LRCH2: variants seen among roughly 807,000 people sequenced by gnomAD.
LRCH2 encodes leucine-rich repeat and calponin homology domain-containing protein 2.
Under a neutral mutation model 68.9 loss-of-function variants are expected in LRCH2, and 38 were observed. That is an observed-to-expected ratio of 0.55 (90% CI 0.43 to 0.72). LRCH2 has a LOEUF of 0.72. LRCH2 is among the 30% of genes least tolerant of loss of function. LRCH2 has a pLI of 0.00. For missense variants in LRCH2, 528 were observed against 572.9 expected (o/e 0.92, Z 0.80); for synonymous variants, 191 against 208.1 (o/e 0.92, Z 0.71).
chrX:115,219,744 G>A (rs181375440), intron 1 of LRCH2, among the ~76,000 whole-genome samples: 413 of 111,990 alleles, frequency 3.7e-3, no homozygotes, highest in Non-Finnish European at 5.0e-3. Context: ...ATGAAAATAG[G>A]AGATAATAAG....
At chrX:115,130,653 A>G (rs782568676) in intron 14 of LRCH2, among the ~76,000 whole-genome samples, 32 of 111,332 alleles carry the variant, frequency 2.9e-4, no homozygotes, top group African/African-American at 1.0e-3. Flanking sequence ...GATGTCATTC[A>G]TTATTAAGAA....
At chrX:115,132,942 G>A (rs1430206079) in intron 14 of LRCH2, among the ~76,000 whole-genome samples, 1 of 111,173 alleles carries the variant, frequency 9.0e-6, no homozygotes, top group Non-Finnish European at 1.9e-5. Context: ...TTGCTCAAAC[G>A]CCTTACTCCA....
intron 1 of LRCH2, among the ~76,000 whole-genome samples, chrX:115,218,217 C>G (rs1213860899): frequency 8.9e-6 from 1 of 111,826 alleles, no homozygotes; most frequent in Non-Finnish European, 1.9e-5. Flanking sequence ...AAAAAAACCC[C>G]TAATATCTGA....
chrX:115,172,119 G>A (rs781925832), intron 5 of LRCH2, among the ~76,000 whole-genome samples: 1 of 111,390 alleles, frequency 9.0e-6, no homozygotes. Context: ...ATTTATTGGA[G>A]TATCACTAAG....
intron 14 of LRCH2, among the ~76,000 whole-genome samples, chrX:115,145,353 A>G (rs1184673286): frequency 9.0e-6 from 1 of 111,561 alleles, no homozygotes; most frequent in East Asian, 2.8e-4. Context: ...CTATAAGAAA[A>G]CATGGGGGAA....
At chrX:115,132,738 C>T (rs977563732) in intron 14 of LRCH2, among the ~76,000 whole-genome samples, 3 of 111,398 alleles carry the variant, frequency 2.7e-5, no homozygotes, top group Non-Finnish European at 5.6e-5. Context: ...GAAATTGGCA[C>T]GTGTGAAAAA....
chrX:115,143,208 C>T (rs2806267), intron 14 of LRCH2, among the ~76,000 whole-genome samples: 36,193 of 110,420 alleles, frequency 0.33, 5,046 homozygotes, highest in African/African-American at 0.54. Flanking sequence ...ATATGGTTTA[C>T]TGAGAAGATA....
chrX:115,178,517 C>T (rs2072667902), intron 5 of LRCH2, among the ~76,000 whole-genome samples: 1 of 111,039 alleles, frequency 9.0e-6, no homozygotes, highest in African/African-American at 3.3e-5. Context: ...AGTACTTAAT[C>T]CCTATATTCA....
At chrX:115,191,038 G>A (rs1230909817) in intron 1 of LRCH2, 19 of 1,163,217 alleles carry the variant, frequency 1.6e-5, no homozygotes, top group African/African-American at 3.7e-5. Flanking sequence ...CCACAGTGGG[G>A]GCCACAGCAG....
chrX:115,189,746 G>A (rs868980271), intron 1 of LRCH2: 2 of 1,166,649 alleles, frequency 1.7e-6, no homozygotes, highest in South Asian at 1.9e-5. Flanking sequence ...CCCGGCAGCG[G>A]CAGTCGCTCA....
At chrX:115,125,027 C>G (rs1339545425) in intron 16 of LRCH2, among the ~76,000 whole-genome samples, 6 of 110,941 alleles carry the variant, frequency 5.4e-5, no homozygotes, top group Non-Finnish European at 9.4e-5. Context: ...TACTCACCAC[C>G]CTATCCAAAT....
chrX:115,154,678 T>G, intron 12 of LRCH2, among the ~76,000 whole-genome samples: 1 of 111,774 alleles, frequency 8.9e-6, no homozygotes, highest in Admixed American at 9.5e-5. Flanking sequence ...TTTGTTCTTT[T>G]TAGAATGGCA....
rs782769438 is a variant in LRCH2, at chrX:115,165,842, T to C, written c.1197A>G (p.Lys399=). 1 of 1,137,607 alleles carries C rather than the reference T, an allele frequency of 8.8e-7. No individual in the cohort carries two copies. The highest frequency in any genetic ancestry group is 3.3e-5 in the East Asian group (1 of 30,607). 93.8% of individuals were successfully genotyped at this position (1,137,607 alleles called of 1,213,427 possible). ...AATAGCAGGTACCATATGAATTACCTTTCTGAGAATCAGTCTTACTTCCTA... is the reference window on the plus strand; with the variant it reads ...AATAGCAGGTACCATATGAATTACCCTTCTGAGAATCAGTCTTACTTCCTA... ...HIIGSKTDSQ[K]DQEVYDFVDP... is the part of the protein sequence containing the mutation. The change falls in exon 8 of 21, where the codon AAA becomes AAG. Residue 399 remains lysine (K), a splice_region_variant and synonymous_variant. Transcript: ENST00000317135.
intron 5 of LRCH2, among the ~76,000 whole-genome samples, chrX:115,174,422 CT>C (rs1253334781): frequency 2.4e-4 from 25 of 104,369 alleles, no homozygotes; most frequent in East Asian, 1.5e-3. Context: ...AGGAGTTCAA[CT>C]TTTTTTTTTT....
chrX:115,199,670 A>C (rs1211978824), intron 1 of LRCH2, among the ~76,000 whole-genome samples: 1 of 112,209 alleles, frequency 8.9e-6, no homozygotes, highest in Non-Finnish European at 1.9e-5. Context: ...CACTAGGCCT[A>C]AAGAGAGAGA....
intron 20 of LRCH2, among the ~76,000 whole-genome samples, chrX:115,115,975 G>A (rs1166957989): frequency 5.4e-5 from 6 of 110,925 alleles, no homozygotes; most frequent in African/African-American, 1.3e-4. Context: ...CTAGGGAAAC[G>A]CAAATCAAAA....
At chrX:115,215,357 G>T (rs190599343) in intron 1 of LRCH2, among the ~76,000 whole-genome samples, 26 of 111,276 alleles carry the variant, frequency 2.3e-4, no homozygotes, top group African/African-American at 7.8e-4. Flanking sequence ...CTGGGCCAAG[G>T]ACATAAACAG....
chrX:115,223,525 C>T (rs782105205), intron 1 of LRCH2, among the ~76,000 whole-genome samples: 9 of 110,351 alleles, frequency 8.2e-5, no homozygotes, highest in Non-Finnish European at 1.5e-4. Flanking sequence ...TCCTAATAGA[C>T]ATTTTGCTTA....
At position 115,170,649 on chromosome X, in the gene LRCH2, A is replaced by C. The variant is rs145309908; in HGVS notation, c.865-217T>G. Among the ~76,000 whole-genome samples the C allele has an allele frequency of 4.7e-3, 522 of 111,921 alleles. 2 individuals carry two copies. The highest frequency in any genetic ancestry group is 0.016 in the African/African-American group (499 of 30,961). Reference sequence around the variant, plus strand: ...TTGCCATCTCTGTTCTTATTGAAAAAAGTTAATTTTTCTATATTTCACTAG... The same window carrying C: ...TTGCCATCTCTGTTCTTATTGAAAACAGTTAATTTTTCTATATTTCACTAG... On this transcript the variant is annotated intron_variant, in intron 5 of 20. Coordinates refer to ENST00000317135, the MANE Select transcript of LRCH2 (RefSeq NM_020871.4).
Sources: allele counts gnomAD v4.1 joint callset (sites outside exome capture counted in the v4.1 genomes callset), GRCh38; gene constraint gnomAD v4.1.1; transcripts MANE v1.5; gene names NCBI Gene and HGNC (gene_info 2026-07-23, HGNC 2026-07-21).